MAPKAP1: variants seen among roughly 807,000 people sequenced by gnomAD.
The protein encoded by MAPKAP1 is MAPK associated protein 1.
Under a neutral mutation model 65.7 loss-of-function variants are expected in MAPKAP1, and 20 were observed. The observed-to-expected ratio is 0.30, with a 90% CI of 0.21 to 0.44. MAPKAP1 has a LOEUF of 0.44. Ranked by LOEUF, MAPKAP1 falls within the 20% of genes least tolerant of loss-of-function variation. MAPKAP1 has a pLI of 1.00. For missense variants in MAPKAP1, 423 were observed against 648.0 expected (o/e 0.65, Z 3.77); for synonymous variants, 222 against 244.3 (o/e 0.91, Z 0.85).
intron 10 of MAPKAP1, among the ~76,000 whole-genome samples, chr9:125,455,926 A>T (rs1853145599): frequency 6.6e-6 from 1 of 152,192 alleles, no homozygotes; most frequent in Non-Finnish European, 1.5e-5. Flanking sequence ...TCATAGTGTA[A>T]GGTTTAGTGG....
intron 4 of MAPKAP1, among the ~76,000 whole-genome samples, chr9:125,641,707 A>C (rs1350478482): frequency 6.6e-6 from 1 of 152,008 alleles, no homozygotes; most frequent in Non-Finnish European, 1.5e-5. Flanking sequence ...GGAGTTCAAG[A>C]CCAGCCTAGG....
chr9:125,471,866 C>T (rs1853939136), intron 9 of MAPKAP1: 1 of 152,254 alleles, frequency 6.6e-6, no homozygotes, highest in African/African-American at 2.4e-5. Context: ...GGCATGACGC[C>T]AGTTATAGAC....
Position 125,707,015 on chromosome 9 carries a change from G to T in MAPKAP1, c.-114C>A, listed in dbSNP as rs1241934433. 2 of 396,990 alleles carry T rather than the reference G, an allele frequency of 5.0e-6. No homozygotes were observed. The highest frequency in any genetic ancestry group is 4.1e-5 in the African/African-American group (2 of 48,574). 24.6% of individuals were successfully genotyped at this position (396,990 alleles called of 1,614,324 possible). On this transcript the variant is annotated 5_prime_UTR_variant, in exon 1 of 12. Transcript: ENST00000265960. The stretch of plus-strand genomic sequence containing the variant: ...ACGGGCCGGGTCGGCCCCGGGACAC[G>T]TTCCTGAGGGGAGGGCCCGGCTCCC...
intron 9 of MAPKAP1, among the ~76,000 whole-genome samples, chr9:125,470,509 G>A (rs867161994): frequency 2.6e-5 from 4 of 152,158 alleles, no homozygotes; most frequent in Admixed American, 2.0e-4. Flanking sequence ...ACAGACTCTC[G>A]TCCTCTTTCA....
At chr9:125,622,537 C>T (rs1832937291) in intron 4 of MAPKAP1, among the ~76,000 whole-genome samples, 3 of 151,164 alleles carry the variant, frequency 2.0e-5, no homozygotes, top group South Asian at 4.2e-4. Flanking sequence ...CCTCTGCCCC[C>T]CGGATTCAAG....
Position 125,510,512 on chromosome 9 carries a change from C to A in MAPKAP1, c.959-4095G>T, listed in dbSNP as rs144853586. Among the ~76,000 whole-genome samples, 178 of 152,290 alleles carry A rather than the reference C, an allele frequency of 1.2e-3. 1 individual carries two copies. The highest frequency in any genetic ancestry group is 4.1e-3 in the African/African-American group (171 of 41,560). On this transcript the variant is annotated intron_variant, in intron 7 of 11. Transcript: ENST00000265960. The stretch of plus-strand genomic sequence containing the variant: ...AGACATGATCACCTTGTCTTTCTAT[C>A]CATCCAGGAAGGCCCATCCATCTTT...
chr9:125,685,827 C>T (rs1834958063), intron 1 of MAPKAP1, among the ~76,000 whole-genome samples: 1 of 152,152 alleles, frequency 6.6e-6, no homozygotes, highest in South Asian at 2.1e-4. Context: ...CTTTCTTGTT[C>T]CCAAGGGGCT....
chr9:125,644,759 C>T (rs75516621), intron 4 of MAPKAP1, among the ~76,000 whole-genome samples: 11 of 152,176 alleles, frequency 7.2e-5, no homozygotes, highest in African/African-American at 2.7e-4. Context: ...AAGGATCTGC[C>T]GGGGTAGCAA....
intron 1 of MAPKAP1, among the ~76,000 whole-genome samples, chr9:125,697,463 T>TATA (rs1804039388): frequency 6.6e-6 from 1 of 152,204 alleles, no homozygotes; most frequent in South Asian, 2.1e-4. Flanking sequence ...GACCATACTT[T>TATA]ATAGAGTGTC....
intron 9 of MAPKAP1, among the ~76,000 whole-genome samples, chr9:125,472,478 T>C (rs1853958342): frequency 6.6e-6 from 1 of 152,140 alleles, no homozygotes; most frequent in African/African-American, 2.4e-5. Context: ...ATCCGATCAA[T>C]ATTCTTTCTG....
At chr9:125,681,820 G>A (rs117695267) in intron 1 of MAPKAP1, among the ~76,000 whole-genome samples, 3,203 of 152,330 alleles carry the variant, frequency 0.021, 50 homozygotes, top group Middle Eastern at 0.048. Context: ...ACCCAGGCTG[G>A]AGTGCAGTTG....
chr9:125,665,374 C>G (rs1369240864), intron 3 of MAPKAP1, among the ~76,000 whole-genome samples: 2 of 152,142 alleles, frequency 1.3e-5, no homozygotes, highest in Non-Finnish European at 2.9e-5. Context: ...ATACCCTGAG[C>G]TGATTACTCA....
intron 6 of MAPKAP1, among the ~76,000 whole-genome samples, chr9:125,556,839 T>G (rs1223453038): frequency 1.3e-5 from 2 of 152,172 alleles, no homozygotes; most frequent in African/African-American, 2.4e-5. Context: ...GAGTAAGAGG[T>G]TGCTGAACCA....
At chr9:125,658,159 G>A (rs954201951) in intron 3 of MAPKAP1, among the ~76,000 whole-genome samples, 26 of 152,098 alleles carry the variant, frequency 1.7e-4, no homozygotes, top group African/African-American at 5.5e-4. Flanking sequence ...AACCTTTCTG[G>A]GCTTGTCAAA....
intron 8 of MAPKAP1, 178 bp downstream of exon 8, chr9:125,506,132 C>T (rs1362472181): frequency 3.1e-6 from 2 of 644,644 alleles, no homozygotes; most frequent in Non-Finnish European, 5.7e-6. Context: ...TACCAAAAAG[C>T]ACAAAATCAA....
At chr9:125,571,425 G>GT (rs1234951509) in intron 5 of MAPKAP1, among the ~76,000 whole-genome samples, 1 of 152,206 alleles carries the variant, frequency 6.6e-6, no homozygotes, top group Admixed American at 6.5e-5. Flanking sequence ...TTTGGAAATT[G>GT]TAAGATTAGA....
intron 4 of MAPKAP1, among the ~76,000 whole-genome samples, chr9:125,625,592 C>T (rs547193859): frequency 6.6e-6 from 1 of 152,176 alleles, no homozygotes; most frequent in South Asian, 2.1e-4. Flanking sequence ...GTCAGGATTT[C>T]GAGACTAGCC....
intron 1 of MAPKAP1, among the ~76,000 whole-genome samples, chr9:125,699,427 C>T (rs531837060): frequency 1.3e-5 from 2 of 152,160 alleles, no homozygotes; most frequent in African/African-American, 4.8e-5. Context: ...CCAGGCTAGT[C>T]TCTAACTCCT....
chr9:125,442,186 C>CCATCAGG (rs919016736), intron 11 of MAPKAP1, among the ~76,000 whole-genome samples: 52 of 148,986 alleles, frequency 3.5e-4, no homozygotes, highest in African/African-American at 1.3e-3. Flanking sequence ...ATCTCATCTT[C>CCATCAGG]CATCAGGCTC....
Sources: allele counts gnomAD v4.1 joint callset (sites outside exome capture counted in the v4.1 genomes callset), GRCh38; gene constraint gnomAD v4.1.1; transcripts MANE v1.5; gene names NCBI Gene and HGNC (gene_info 2026-07-23, HGNC 2026-07-21).